CAMTA1: variants seen among roughly 807,000 people sequenced by gnomAD.
CAMTA1 encodes the protein calmodulin-binding transcription activator 1.
In CAMTA1, 27 loss-of-function variants were observed where a neutral mutation model predicts 170.9. The observed-to-expected ratio is 0.16, with a 90% confidence interval of 0.12 to 0.22. CAMTA1 has a LOEUF of 0.22. CAMTA1 is among the 10% of genes least tolerant of loss of function. The pLI is 1.00. For missense variants in CAMTA1, 1,619 were observed against 2,217.2 expected (o/e 0.73, Z 5.42); for synonymous variants, 833 against 891.5 (o/e 0.93, Z 1.17).
At chr1:7,390,751 G>A (rs1224165472) in intron 5 of CAMTA1, among the ~76,000 whole-genome samples, 3 of 152,220 alleles carry the variant, frequency 2.0e-5, no homozygotes, top group African/African-American at 4.8e-5. Flanking sequence ...GCATTCCTAC[G>A]GGGCTTGCAG....
At chr1:7,220,400 C>T (rs543653912) in intron 4 of CAMTA1, among the ~76,000 whole-genome samples, 3 of 152,308 alleles carry the variant, frequency 2.0e-5, no homozygotes, top group Admixed American at 1.3e-4. Flanking sequence ...TTTACAAACC[C>T]GCCTTCTGCT....
At chr1:7,727,209 G>A (rs1443911951) in intron 11 of CAMTA1, among the ~76,000 whole-genome samples, 1 of 146,592 alleles carries the variant, frequency 6.8e-6, no homozygotes, top group Non-Finnish European at 1.5e-5. Flanking sequence ...TGCAAGCTCC[G>A]CCTCCTGGGT....
Position 7,293,446 on chromosome 1 carries a change from G to T in CAMTA1, c.438+43820G>T, listed in dbSNP as rs374977845. ...GAAGACAGAAGAGTCACAATGAGCC[G>T]ATTTATAGAGTACATGGGGTGTTGT... On this transcript the variant is annotated intron_variant, in intron 5 of 22. Coordinates refer to ENST00000303635, the MANE Select transcript of CAMTA1 (RefSeq NM_015215.4). The surrounding 1 kb of genome is among the most constrained non-coding windows in gnomAD (Gnocchi z 4.1). Among the ~76,000 whole-genome samples the T allele has an allele frequency of 6.6e-6, 1 of 152,202 alleles. No homozygotes were observed. The highest frequency in any genetic ancestry group is 2.4e-5 in the African/African-American group (1 of 41,456).
chr1:7,598,119 T>G (rs527749711), intron 6 of CAMTA1, among the ~76,000 whole-genome samples: 1 of 138,702 alleles, frequency 7.2e-6, no homozygotes, highest in South Asian at 2.6e-4. Context: ...CGGTGTGTGA[T>G]GTTCCCCTTC....
intron 5 of CAMTA1, among the ~76,000 whole-genome samples, chr1:7,424,458 G>C (rs1319231303): frequency 6.6e-6 from 1 of 151,484 alleles, no homozygotes; most frequent in Non-Finnish European, 1.5e-5. Context: ...ATGAGGGGGG[G>C]TGGGGGTGGG....
At chr1:7,043,598 G>T (rs1023532481) in intron 3 of CAMTA1, among the ~76,000 whole-genome samples, 2 of 152,186 alleles carry the variant, frequency 1.3e-5, no homozygotes, top group Non-Finnish European at 2.9e-5. Flanking sequence ...CTCTTTCTCA[G>T]ACCCACCCTT....
At chr1:7,705,545 C>T (rs900367516) in intron 11 of CAMTA1, among the ~76,000 whole-genome samples, 1 of 150,426 alleles carries the variant, frequency 6.6e-6, no homozygotes, top group South Asian at 2.1e-4. Context: ...GGCGTCGGGG[C>T]GCGCGGGGGC....
intron 3 of CAMTA1, among the ~76,000 whole-genome samples, chr1:6,859,938 G>C (rs1445024775): frequency 6.6e-6 from 1 of 152,176 alleles, no homozygotes. Context: ...AGAAGACTCA[G>C]ATCTCCTTTT....
intron 4 of CAMTA1, among the ~76,000 whole-genome samples, chr1:7,220,645 A>G (rs1402257843): frequency 3.9e-5 from 6 of 152,192 alleles, no homozygotes; most frequent in African/African-American, 7.2e-5. Flanking sequence ...ATCTCTCCAG[A>G]GGAGGGTTAA....
chr1:7,395,546 C>A (rs1273172509), intron 5 of CAMTA1, among the ~76,000 whole-genome samples: 1 of 152,120 alleles, frequency 6.6e-6, no homozygotes, highest in Non-Finnish European at 1.5e-5. Context: ...AAATTGATTT[C>A]ACTATTCAGA....
intron 4 of CAMTA1, among the ~76,000 whole-genome samples, chr1:7,162,972 T>C (rs1647537323): frequency 6.6e-6 from 1 of 151,906 alleles, no homozygotes; most frequent in Admixed American, 6.6e-5. Flanking sequence ...TCTCCTGCCA[T>C]GGAAAATAGA....
At chr1:7,707,539 C>G (rs749562049) in intron 11 of CAMTA1, among the ~76,000 whole-genome samples, 1 of 152,062 alleles carries the variant, frequency 6.6e-6, no homozygotes, top group African/African-American at 2.4e-5. Flanking sequence ...CCATGCCCGG[C>G]TAATTTGTTG....
chr1:7,751,421 A>G, intron 20 of CAMTA1, 29 bp downstream of exon 20: 1 of 1,543,770 alleles, frequency 6.5e-7, no homozygotes, highest in Non-Finnish European at 8.7e-7. Flanking sequence ...ATGGAGGTAA[A>G]GCTCCCTAGG....
At chr1:7,237,054 C>T (rs1054176522) in intron 4 of CAMTA1, among the ~76,000 whole-genome samples, 4 of 152,164 alleles carry the variant, frequency 2.6e-5, no homozygotes, top group African/African-American at 2.4e-5. Flanking sequence ...TTCCCTCCAG[C>T]CAGGCCCTTC....
At chr1:7,558,136 C>T (rs978363047) in intron 6 of CAMTA1, among the ~76,000 whole-genome samples, 5 of 152,310 alleles carry the variant, frequency 3.3e-5, no homozygotes, top group South Asian at 2.1e-4. Flanking sequence ...CCCCTCGCTC[C>T]GGCAGCCTCT....
At chr1:7,448,631 C>T (rs2092737520) in intron 5 of CAMTA1, among the ~76,000 whole-genome samples, 1 of 152,230 alleles carries the variant, frequency 6.6e-6, no homozygotes, top group African/African-American at 2.4e-5. Flanking sequence ...AAGGTACCAG[C>T]AGGTTCGGTA....
intron 6 of CAMTA1, among the ~76,000 whole-genome samples, chr1:7,606,095 T>G (rs553941003): frequency 6.6e-6 from 1 of 152,362 alleles, no homozygotes; most frequent in South Asian, 2.1e-4. Context: ...GAGGTCACTC[T>G]GGCAAGTCTG....
At chr1:7,027,731 C>T (rs1572536463) in intron 3 of CAMTA1, among the ~76,000 whole-genome samples, 2 of 152,056 alleles carry the variant, frequency 1.3e-5, no homozygotes, top group African/African-American at 2.4e-5. Flanking sequence ...TGACAGTGGG[C>T]GTGGAGGGAG....
intron 1 of CAMTA1, among the ~76,000 whole-genome samples, chr1:6,800,291 C>T (rs1326547274): frequency 6.6e-6 from 1 of 151,986 alleles, no homozygotes; most frequent in Non-Finnish European, 1.5e-5. Flanking sequence ...CCTGTGATCC[C>T]AGGTACCTGG....
Sources: gnomAD v4.1 joint callset for allele counts (sites outside exome capture counted in the v4.1 genomes callset) on GRCh38, gnomAD v4.1.1 for gene constraint, Gnocchi (gnomAD v3.1) non-coding constraint, MANE v1.5 for transcripts, NCBI Gene and HGNC (gene_info 2026-07-23, HGNC 2026-07-21) for gene names.